Variants in CYFIP1 observed in about 807,000 individuals in gnomAD.
CYFIP1 encodes cytoplasmic FMR1-interacting protein 1.
Under a neutral mutation model 163.5 loss-of-function variants are expected in CYFIP1, and 58 were observed. The observed-to-expected ratio is 0.35, with a 90% CI of 0.29 to 0.44. CYFIP1 has a LOEUF of 0.44. Among genes scored for constraint, CYFIP1 ranks in the 20% least tolerant of loss-of-function variants. The pLI, the probability that CYFIP1 is intolerant of heterozygous loss-of-function variation, is 1.00. For synonymous variants in CYFIP1, 663 were observed against 660.7 expected (o/e 1.00, Z -0.05); for missense variants, 1,338 against 1,653.8 (o/e 0.81, Z 3.31).
In CYFIP1 at chr15:22,944,974, G is replaced by A. The variant is rs374619160; in HGVS notation, c.208-35C>T. 276 of 1,583,596 alleles carry A rather than the reference G, an allele frequency of 1.7e-4. 2 individuals carry two copies. In the South Asian group the frequency reaches 2.2e-3, roughly 13 times the overall value. On this transcript the variant is annotated intron_variant, in intron 3 of 30. Transcript: ENST00000617928. ...AACACAGGGCAAATCAAAGGCAGGC[G>A]GGGGAACTAGCATGAAAAGCAGATG...
rs1012722524 is a variant in CYFIP1, at chr15:22,929,112, C to T, written c.1111-1084G>A. On this transcript the variant is annotated intron_variant, in intron 11 of 30. Coordinates refer to ENST00000617928, the MANE Select transcript of CYFIP1 (RefSeq NM_014608.6). The stretch of plus-strand genomic sequence containing the variant: ...CTGCATGCCTGTAATCTCAGCTACT[C>T]GGGAAGCTGAGGCAGGAGAATTGCT... Among the ~76,000 whole-genome samples the T allele has an allele frequency of 2.0e-5, 3 of 151,460 alleles. No homozygotes were observed. In the East Asian group the frequency reaches 5.8e-4, roughly 29 times the overall value.
intron 1 of CYFIP1, among the ~76,000 whole-genome samples, chr15:22,962,930 C>T (rs1439902691): frequency 6.6e-6 from 1 of 152,130 alleles, no homozygotes; most frequent in Non-Finnish European, 1.5e-5. Context: ...AGAACCAATG[C>T]CATTTGCAGA....
rs2063445191 is a variant in CYFIP1, at chr15:22,980,350, A to G, written c.-70T>C. The G allele has an allele frequency of 6.6e-6, 1 of 151,028 alleles. No individual in the cohort carries two copies. Among genetic ancestry groups the G allele is most frequent in the African/African-American group, 2.4e-5 (1 of 41,032 alleles). The allele number at this position is 151,028 out of a possible 1,614,324, so 9.4% of individuals were successfully genotyped here. On this transcript the variant is annotated 5_prime_UTR_variant, in exon 1 of 31. Transcript: ENST00000617928. The stretch of plus-strand genomic sequence containing the variant: ...GGGAGTTTCCTTGGCCGAGTGAGTC[A>G]CTCGGGCTGGCCGGGAATGCGCCAG...
Position 22,898,950 on chromosome 15 carries a change from C to G in CYFIP1, c.2588+4756G>C, listed in dbSNP as rs556111551. Among the ~76,000 whole-genome samples, 378 of 151,710 alleles carry G rather than the reference C, an allele frequency of 2.5e-3. 1 individual carries two copies. The highest frequency in any genetic ancestry group is 8.9e-3 in the African/African-American group (368 of 41,300). ...CCGGGAGGCAGAGGTTGCAGTGAGC[C>G]GAGACTGTGCCACTGCACTCCAGCC... On this transcript the variant is annotated intron_variant, in intron 22 of 30. Coordinates refer to ENST00000617928, the MANE Select transcript of CYFIP1 (RefSeq NM_014608.6).
chr15:22,961,131 C>G (rs1257018799), intron 1 of CYFIP1, among the ~76,000 whole-genome samples: 1 of 152,016 alleles, frequency 6.6e-6, no homozygotes, highest in Non-Finnish European at 1.5e-5. Flanking sequence ...AAGTGATTCT[C>G]CTGCCTCAGC....
rs2142101432 is a variant in CYFIP1 at position 22,916,552 on chromosome 15, C to A, written c.1753G>T (p.Glu585Ter). 2 of 1,614,116 alleles carry A rather than the reference C, an allele frequency of 1.2e-6. No individual in the cohort carries two copies. Among genetic ancestry groups the A allele is most frequent in the Non-Finnish European group, 8.5e-7 (1 of 1,180,020 alleles). ...TCTATGTCCAATATGGTGGGCCCCTCAAGGCTACTTCTCAAGGTTTTCTTG... is the reference window on the plus strand; with the variant it reads ...TCTATGTCCAATATGGTGGGCCCCTAAAGGCTACTTCTCAAGGTTTTCTTG... The part of the protein sequence containing the change: ...GSKKTLRSSL[E>*]GPTILDIEKF... Residue 585 changes from glutamate to a stop codon, truncating the protein, a stop_gained, in exon 16 of 31, where the codon GAG (glutamate) becomes TAG (stop). Coordinates refer to ENST00000617928, the MANE Select transcript of CYFIP1 (RefSeq NM_014608.6). LOFTEE classifies it high-confidence loss of function.
chr15:22,876,806 G>C (rs541992333), intron 26 of CYFIP1, among the ~76,000 whole-genome samples: 2 of 150,766 alleles, frequency 1.3e-5, no homozygotes, highest in Non-Finnish European at 3.0e-5. Context: ...ACTCCAGCCT[G>C]GGCAACAAGC....
Position 22,980,291 on chromosome 15 carries a change from G to C in CYFIP1, c.-11C>G, listed in dbSNP as rs1306651252. On this transcript the variant is annotated 5_prime_UTR_variant, in exon 1 of 31. Coordinates refer to ENST00000617928, the MANE Select transcript of CYFIP1 (RefSeq NM_014608.6). ...CGGGCGAGCGGGGTTCCTCACCTGC[G>C]TCCGCGGCGGCTTGGGGGTCCTGGG... 6.6e-6 allele frequency: 1 copy of C among 151,850 alleles called. No homozygotes were observed. The highest frequency in any genetic ancestry group is 2.4e-5 in the African/African-American group (1 of 41,386). 9.4% of individuals were successfully genotyped at this position (151,850 alleles called of 1,614,324 possible).
At chr15:22,900,906 A>T (rs2060374813) in intron 22 of CYFIP1, among the ~76,000 whole-genome samples, 2 of 152,026 alleles carry the variant, frequency 1.3e-5, no homozygotes, top group African/African-American at 2.4e-5. Context: ...AGAGGGAATG[A>T]AGGAGTTAAA....
chr15:22,920,108 C>CA lies in CYFIP1; in HGVS notation c.1360-1251dup, dbSNP rs571055489. ...TAAAAAAAAACAAAAAACAAACAAA[C>CA]AAAAAAAACCTTTTGAAATTAAGTA... On this transcript the variant is annotated intron_variant, in intron 13 of 30. Transcript: ENST00000617928. Among the ~76,000 whole-genome samples, 343 of 144,744 alleles carry CA rather than the reference C, an allele frequency of 2.4e-3. 2 individuals are homozygous for CA. The highest frequency in any genetic ancestry group is 8.1e-3 in the African/African-American group (318 of 39,162). The allele number at this position is 144,744 out of a possible 152,430, so 95.0% of individuals were successfully genotyped here. A position where few individuals can be genotyped will look rare whatever the true frequency, so the allele number is the denominator to read the frequency against.
chr15:22,927,587 T>G (rs2061396748), intron 12 of CYFIP1, among the ~76,000 whole-genome samples: 1 of 148,970 alleles, frequency 6.7e-6, no homozygotes, highest in South Asian at 2.1e-4. Context: ...GGGTGGGGAG[T>G]CAAGGCTGTA....
intron 22 of CYFIP1, among the ~76,000 whole-genome samples, chr15:22,898,367 C>T (rs1169887245): frequency 1.3e-5 from 2 of 152,084 alleles, no homozygotes; most frequent in East Asian, 3.9e-4. Context: ...AAGCAATTCT[C>T]CTGCCTGGGC....
intron 23 of CYFIP1, 77 bp downstream of exon 23, chr15:22,892,813 C>A: frequency 8.8e-7 from 1 of 1,138,778 alleles, no homozygotes. Flanking sequence ...TCACTGCAAC[C>A]AAACCAATTA....
intron 10 of CYFIP1, among the ~76,000 whole-genome samples, chr15:22,933,439 C>G (rs1400945736): frequency 1.3e-5 from 2 of 151,660 alleles, no homozygotes; most frequent in African/African-American, 2.4e-5. Flanking sequence ...CTCAGCCTCC[C>G]AAGTAGCTGG....
intron 13 of CYFIP1, among the ~76,000 whole-genome samples, 157 bp downstream of exon 13, chr15:22,925,825 A>T (rs2061338720): frequency 6.6e-6 from 1 of 152,148 alleles, no homozygotes. Flanking sequence ...CTGTTTCTCT[A>T]ATGCGTTCTA....
intron 25 of CYFIP1, among the ~76,000 whole-genome samples, 196 bp from the exon 26 acceptor site, chr15:22,880,239 C>A (rs898285882): frequency 1.3e-5 from 2 of 152,230 alleles, no homozygotes; most frequent in African/African-American, 4.8e-5. Flanking sequence ...CTCCACACAC[C>A]ATGTGACCCC....
At chr15:22,959,957 T>TC (rs2062619795) in intron 1 of CYFIP1, among the ~76,000 whole-genome samples, 1 of 152,168 alleles carries the variant, frequency 6.6e-6, no homozygotes, top group South Asian at 2.1e-4. Context: ...AATCCCCGAA[T>TC]CCCCACGTGG....
chr15:22,883,261 G>A (rs959325281), intron 23 of CYFIP1, among the ~76,000 whole-genome samples: 6 of 152,166 alleles, frequency 3.9e-5, no homozygotes, highest in South Asian at 2.1e-4. Flanking sequence ...TAGCCGACTC[G>A]CTAGAAGCCA....
chr15:22,903,896 C>T lies in CYFIP1; in HGVS notation c.2398G>A (p.Gly800Ser), dbSNP rs1011942058. 1 of 1,614,016 alleles carries T rather than the reference C, an allele frequency of 6.2e-7. No homozygotes were observed. Among genetic ancestry groups the T allele is most frequent in the South Asian group, 1.1e-5 (1 of 91,076 alleles). ...EDLTSIVELDGLLEINRMTHK... is the reference protein window; with the variant it reads ...EDLTSIVELDSLLEINRMTHK... The stretch of plus-strand genomic sequence containing the variant: ...GTCATGCGGTTGATTTCCAACAGGC[C>T]ATCCAGCTCCTGTGGCACCAAAGAC... Residue 800 changes from glycine (G) to serine (S), a missense_variant, in exon 22 of 31, where the codon GGC (glycine) becomes AGC (serine). Physicochemically the swap from Gly to Ser is moderately conservative, Grantham distance 56. This residue lies in a region of CYFIP1 where 824 missense variants were observed against 995.7 expected (regional missense o/e 0.83). Transcript: ENST00000617928.
Sources: allele counts gnomAD v4.1 joint callset (sites outside exome capture counted in the v4.1 genomes callset), GRCh38; gene constraint gnomAD v4.1.1; regional missense constraint gnomAD v4.1.1; transcripts MANE v1.5; gene names NCBI Gene and HGNC (gene_info 2026-07-23, HGNC 2026-07-21).